PCDH15: variants seen among roughly 807,000 people sequenced by gnomAD.
PCDH15 encodes protocadherin related 15.
In PCDH15, 129 loss-of-function variants were observed where a neutral mutation model predicts 178.5. That is an observed-to-expected ratio of 0.72 (90% CI 0.63 to 0.84). The LOEUF (loss-of-function observed/expected upper bound fraction) is 0.84, where lower values mean the gene tolerates loss of function less well. Ranked by LOEUF, PCDH15 falls within the 40% of genes least tolerant of loss-of-function variation. The pLI is 0.00. For synonymous variants in PCDH15, 800 were observed against 732.0 expected (o/e 1.09, Z -1.50); for missense variants, 2,230 against 2,099.9 (o/e 1.06, Z -1.21).
chr10:54,893,016 A>T (rs1339185015), intron 3 of PCDH15, among the ~76,000 whole-genome samples: 1 of 152,118 alleles, frequency 6.6e-6, no homozygotes, highest in Non-Finnish European at 1.5e-5. Context: ...CATGACAAGG[A>T]AATATAGAAG....
chr10:55,010,798 A>AT (rs1840029544), intron 2 of PCDH15, among the ~76,000 whole-genome samples: 1 of 100,978 alleles, frequency 9.9e-6, no homozygotes, highest in African/African-American at 3.2e-5. Flanking sequence ...ACAACAACTT[A>AT]TAAAAAAAAA....
At chr10:54,750,983 T>A (rs1946149348) in intron 1 of PCDH15, among the ~76,000 whole-genome samples, 1 of 152,072 alleles carries the variant, frequency 6.6e-6, no homozygotes, top group Admixed American at 6.5e-5. Context: ...AATAAACAAT[T>A]TATGGCTTTC....
intron 2 of PCDH15, among the ~76,000 whole-genome samples, chr10:55,431,700 G>A (rs369372091): frequency 3.4e-4 from 52 of 152,022 alleles, no homozygotes; most frequent in African/African-American, 1.1e-3. Context: ...TGAGTAAGCC[G>A]TTCATGTGTT....
At chr10:54,692,278 T>C (rs2095136309) in intron 1 of PCDH15, among the ~76,000 whole-genome samples, 2 of 152,204 alleles carry the variant, frequency 1.3e-5, no homozygotes, top group African/African-American at 2.4e-5. Context: ...ATTCACTTTA[T>C]GTATAAATGG....
intron 20 of PCDH15, among the ~76,000 whole-genome samples, chr10:54,006,184 A>G (rs1031318298): frequency 2.6e-5 from 4 of 152,112 alleles, no homozygotes; most frequent in Non-Finnish European, 4.4e-5. Flanking sequence ...TTTATAGGAA[A>G]TATGTTATAT....
intron 8 of PCDH15, among the ~76,000 whole-genome samples, chr10:54,254,230 G>A (rs2056730133): frequency 6.6e-6 from 1 of 152,056 alleles, no homozygotes; most frequent in Admixed American, 6.6e-5. Context: ...TGTGACTTAA[G>A]AAGCAATGAT....
intron 3 of PCDH15, among the ~76,000 whole-genome samples, chr10:54,853,519 T>C (rs1332107434): frequency 6.7e-6 from 1 of 149,846 alleles, no homozygotes; most frequent in Non-Finnish European, 1.5e-5. Context: ...AAAAATGCCA[T>C]GTTGAGTTTG....
chr10:53,918,876 T>C (rs2083760550), intron 25 of PCDH15, among the ~76,000 whole-genome samples: 1 of 152,184 alleles, frequency 6.6e-6, no homozygotes, highest in Non-Finnish European at 1.5e-5. Flanking sequence ...TGGGTCTCAC[T>C]GGGCTAAAAT....
chr10:53,854,640 C>A (rs556996485), intron 28 of PCDH15, among the ~76,000 whole-genome samples: 1 of 151,938 alleles, frequency 6.6e-6, no homozygotes, highest in Admixed American at 6.6e-5. Flanking sequence ...TTACCAAATG[C>A]TTAATAAATA....
chr10:53,824,376 T>TTAC (rs2076530569), intron 32 of PCDH15, among the ~76,000 whole-genome samples: 1 of 152,154 alleles, frequency 6.6e-6, no homozygotes, highest in African/African-American at 2.4e-5. Flanking sequence ...TTTATTTTAG[T>TTAC]TACTGCTTAA....
intron 2 of PCDH15, among the ~76,000 whole-genome samples, chr10:55,410,583 T>G (rs1212585987): frequency 2.6e-5 from 4 of 152,140 alleles, no homozygotes; most frequent in Admixed American, 1.3e-4. Context: ...AGCAATTCTC[T>G]CTGATGGGAT....
intron 2 of PCDH15, among the ~76,000 whole-genome samples, chr10:55,492,212 A>G (rs1430354169): frequency 6.6e-6 from 1 of 151,762 alleles, no homozygotes; most frequent in Non-Finnish European, 1.5e-5. Flanking sequence ...TGGGTTGACC[A>G]TACAGCAAAA....
chr10:53,822,366 G>C (rs1219291026), intron 32 of PCDH15: 1 of 1,576,732 alleles, frequency 6.3e-7, no homozygotes, highest in South Asian at 1.1e-5. Context: ...AAGAGGAAGA[G>C]GGATAGAAGG....
At chr10:54,988,606 C>T (rs1051339785) in intron 2 of PCDH15, among the ~76,000 whole-genome samples, 1 of 152,120 alleles carries the variant, frequency 6.6e-6, no homozygotes, top group Non-Finnish European at 1.5e-5. Flanking sequence ...TTTGCCCCTG[C>T]CCTAGAGATT....
upstream of PCDH15, among the ~76,000 whole-genome samples, chr10:55,324,387 A>T (rs923260693): frequency 3.9e-5 from 6 of 152,204 alleles, no homozygotes; most frequent in African/African-American, 7.2e-5. Context: ...AAGTAAAGGG[A>T]TGGAGAAAAA....
At chr10:54,607,756 G>T in intron 2 of PCDH15, 2 of 353,342 alleles carry the variant, frequency 5.7e-6, no homozygotes, top group South Asian at 2.6e-5. Context: ...TAAATCAATG[G>T]TAACTTTAAG....
At chr10:54,280,615 CAT>C (rs2058637025) in intron 8 of PCDH15, among the ~76,000 whole-genome samples, 1 of 151,804 alleles carries the variant, frequency 6.6e-6, no homozygotes, top group South Asian at 2.1e-4. Context: ...ATTACCTTCA[CAT>C]ATGAGGCCTT....
At chr10:55,204,830 A>G (rs376695967) in intron 1 of PCDH15, among the ~76,000 whole-genome samples, 3 of 152,106 alleles carry the variant, frequency 2.0e-5, no homozygotes, top group African/African-American at 7.3e-5. Context: ...CTACGTGGTG[A>G]GTACTATTAT....
chr10:53,945,955 C>T (rs1037575212), intron 23 of PCDH15, among the ~76,000 whole-genome samples: 1 of 148,322 alleles, frequency 6.7e-6, no homozygotes, highest in Non-Finnish European at 1.5e-5. Context: ...AATAATGCTG[C>T]AATAATCATG....
Sources: gnomAD v4.1 joint callset for allele counts (sites outside exome capture counted in the v4.1 genomes callset) on GRCh38, gnomAD v4.1.1 for gene constraint, MANE v1.5 for transcripts, NCBI Gene and HGNC (gene_info 2026-07-23, HGNC 2026-07-21) for gene names.